Variants in EXOC6 observed in about 807,000 individuals in gnomAD.
The protein encoded by EXOC6 is exocyst complex component 6.
A neutral mutation model predicts 112.5 loss-of-function variants in EXOC6; 60 were observed. That is an observed-to-expected ratio of 0.53 (90% confidence interval 0.43 to 0.66). The LOEUF (loss-of-function observed/expected upper bound fraction) is 0.66, where lower values mean the gene tolerates loss of function less well. EXOC6 is among the 30% of genes least tolerant of loss of function. The pLI is 0.00. For missense variants in EXOC6, 855 were observed against 957.1 expected (o/e 0.89, Z 1.41); for synonymous variants, 295 against 308.0 (o/e 0.96, Z 0.44).
At chr10:93,024,020 C>G (rs7895716) in intron 20 of EXOC6, among the ~76,000 whole-genome samples, 49,964 of 151,978 alleles carry the variant, frequency 0.33, 9,049 homozygotes, top group East Asian at 0.78. Flanking sequence ...GTGTCTCTCA[C>G]TTTCATAGCT....
intron 18 of EXOC6, among the ~76,000 whole-genome samples, chr10:92,974,861 C>T (rs1280321274): frequency 6.6e-6 from 1 of 152,222 alleles, no homozygotes; most frequent in Non-Finnish European, 1.5e-5. Flanking sequence ...GTCTGGTTCA[C>T]TCAGTGCTCA....
intron 6 of EXOC6, among the ~76,000 whole-genome samples, chr10:92,911,565 C>T (rs1339547610): frequency 6.6e-6 from 1 of 151,964 alleles, no homozygotes; most frequent in Non-Finnish European, 1.5e-5. Context: ...TTAGGGAGTC[C>T]ATCAAATCAT....
Position 92,893,414 on chromosome 10 carries a change from G to A in EXOC6, c.167G>A (p.Arg56His), listed in dbSNP as rs748815462. 2.6e-5 allele frequency: 42 copies of A among 1,612,808 alleles called. No individual in the cohort carries two copies. The highest frequency in any genetic ancestry group is 1.6e-4 in the Middle Eastern group (1 of 6,068). The change falls in exon 2 of 22, where the codon CGT becomes CAT. Residue 56 changes from arginine to histidine, a missense_variant. Physicochemically the swap from Arg to His is conservative, Grantham distance 29. Around this residue, in one of 2 missense-constraint regions of EXOC6, gnomAD observed 405 missense variants for 393.6 expected, o/e 1.03. Coordinates refer to ENST00000260762, the MANE Select transcript of EXOC6 (RefSeq NM_019053.6). ...KFMEKLDACI[R>H]NHDKEIEKMC... The stretch of plus-strand genomic sequence containing the variant: ...ATGGAAAAGTTAGATGCTTGTATCC[G>A]TAATCATGACAAGGAAATTGAAAAG...
At chr10:92,958,779 CA>C (rs1018971638) in intron 17 of EXOC6, among the ~76,000 whole-genome samples, 42 of 152,160 alleles carry the variant, frequency 2.8e-4, no homozygotes, top group African/African-American at 1.0e-3. Flanking sequence ...TGATACTACC[CA>C]TCTTCAAGAC....
upstream of EXOC6, among the ~76,000 whole-genome samples, chr10:92,846,409 G>T (rs557282048): frequency 4.2e-4 from 64 of 152,146 alleles, no homozygotes; most frequent in Non-Finnish European, 1.0e-4. Flanking sequence ...CCGCAGCCTC[G>T]AACTCCTGGG....
At chr10:93,022,381 T>A (rs1844829462) in intron 20 of EXOC6, among the ~76,000 whole-genome samples, 1 of 152,182 alleles carries the variant, frequency 6.6e-6, no homozygotes, top group African/African-American at 2.4e-5. Flanking sequence ...GAGAATGTAG[T>A]AAATATGCAG....
In EXOC6 at chr10:92,839,594, C is replaced by T. The variant is rs112031201; in HGVS notation, c.86+4770C>T. Among the ~76,000 whole-genome samples, 1,316 of 152,296 alleles carry T rather than the reference C, an allele frequency of 8.6e-3. 11 individuals carry two copies. The highest frequency in any genetic ancestry group is 0.012 in the Non-Finnish European group (831 of 68,024). ...CACACTAGAACTTCCTGCTGTCAGG[C>T]ATCACCCATCAGACCTGCTCCCCTG... On this transcript the variant is annotated intron_variant, in intron 1 of 21. Coordinates refer to the EXOC6 transcript ENST00000371552.
intron 1 of EXOC6, among the ~76,000 whole-genome samples, chr10:92,848,958 C>G (rs1416069358): frequency 6.6e-6 from 1 of 152,138 alleles, no homozygotes; most frequent in Non-Finnish European, 1.5e-5. Context: ...CCCCCGGGCC[C>G]GAGGACACTT....
Position 92,858,022 on chromosome 10 carries a change from T to TCCCCC in EXOC6, c.101+9391_101+9395dup, listed in dbSNP as rs370524059. On this transcript the variant is annotated intron_variant, in intron 1 of 21. Transcript: ENST00000260762. The stretch of plus-strand genomic sequence containing the variant: ...TATGTAAGATTTTTAGTTGACGGGT[T>TCCCCC]CCCCCCCTCCGCCGGCCAGCAGTTT... Among the ~76,000 whole-genome samples the TCCCCC allele has an allele frequency of 2.2e-3, 218 of 100,780 alleles. 22 individuals are homozygous for TCCCCC. Among genetic ancestry groups the TCCCCC allele is most frequent in the East Asian group, 0.018 (16 of 890 alleles). The allele number at this position is 100,780 out of a possible 152,430, so 66.1% of individuals were successfully genotyped here.
At chr10:93,027,008 A>C (rs1209497113) in intron 20 of EXOC6, among the ~76,000 whole-genome samples, 1 of 152,242 alleles carries the variant, frequency 6.6e-6, no homozygotes, top group African/African-American at 2.4e-5. Flanking sequence ...CAAACAGCCA[A>C]GGTGTGAATA....
At chr10:92,993,633 A>G (rs992248642) in intron 18 of EXOC6, among the ~76,000 whole-genome samples, 7 of 152,222 alleles carry the variant, frequency 4.6e-5, no homozygotes, top group Non-Finnish European at 7.3e-5. Context: ...GTTTTGAGCC[A>G]TAATCTAATA....
chr10:92,975,219 C>A (rs1842470182), intron 18 of EXOC6, among the ~76,000 whole-genome samples: 1 of 151,672 alleles, frequency 6.6e-6, no homozygotes, highest in South Asian at 2.1e-4. Flanking sequence ...TGCCCCGCCA[C>A]CCCGTCTGGG....
intron 7 of EXOC6, among the ~76,000 whole-genome samples, chr10:92,919,398 A>C (rs1474950901): frequency 1.3e-5 from 2 of 152,220 alleles, no homozygotes; most frequent in East Asian, 3.8e-4. Context: ...CAAGTTTGAG[A>C]AACTTTATAG....
At chr10:92,873,483 A>G (rs1156838327) in intron 1 of EXOC6, among the ~76,000 whole-genome samples, 2 of 151,996 alleles carry the variant, frequency 1.3e-5, no homozygotes, top group Non-Finnish European at 2.9e-5. Flanking sequence ...CTTCATTTTT[A>G]TGCTTTTGCT....
intron 1 of EXOC6, among the ~76,000 whole-genome samples, chr10:92,882,171 A>G (rs1377412771): frequency 2.0e-5 from 3 of 152,144 alleles, no homozygotes; most frequent in Admixed American, 2.0e-4. Flanking sequence ...GGTATTTCAT[A>G]TTGCTAACTA....
At chr10:92,918,255 C>G (rs1851222820) in intron 7 of EXOC6, among the ~76,000 whole-genome samples, 1 of 152,028 alleles carries the variant, frequency 6.6e-6, no homozygotes, top group Admixed American at 6.6e-5. Context: ...CCTTGTTATT[C>G]CCAATTAATT....
intron 5 of EXOC6, among the ~76,000 whole-genome samples, chr10:92,908,783 G>T (rs1850584743): frequency 6.6e-6 from 1 of 152,050 alleles, no homozygotes; most frequent in Admixed American, 6.5e-5. Context: ...TTTACTAATT[G>T]CTGCATACCC....
At chr10:93,016,735 A>C (rs142692076) in intron 20 of EXOC6, among the ~76,000 whole-genome samples, 136 of 152,286 alleles carry the variant, frequency 8.9e-4, no homozygotes, top group African/African-American at 3.2e-3. Flanking sequence ...ATATGTTATC[A>C]GTCATAATTA....
Position 92,896,079 on chromosome 10 carries a change from A to ATG in EXOC6, c.412+1063_412+1064dup, listed in dbSNP as rs1564809508. Among the ~76,000 whole-genome samples, 6 of 65,488 alleles carry ATG rather than the reference A, an allele frequency of 9.2e-5. 1 individual carries two copies. Among genetic ancestry groups the ATG allele is most frequent in the African/African-American group, 1.4e-4 (3 of 21,012 alleles). The allele number at this position is 65,488 out of a possible 152,430, so 43.0% of individuals were successfully genotyped here. A position where few individuals can be genotyped will look rare whatever the true frequency, so the allele number is the denominator to read the frequency against. Reference sequence around the variant, plus strand: ...TATGTGTATATATATGTGTATATATATGTGTATATATATATGTGTGTATAT... The same window carrying ATG: ...TATGTGTATATATATGTGTATATATATGTGTGTATATATATATGTGTGTATAT... On this transcript the variant is annotated intron_variant, in intron 4 of 21. Coordinates refer to ENST00000260762, the MANE Select transcript of EXOC6 (RefSeq NM_019053.6).
Sources: allele counts gnomAD v4.1 joint callset (sites outside exome capture counted in the v4.1 genomes callset), GRCh38; gene constraint gnomAD v4.1.1; regional missense constraint gnomAD v4.1.1; transcripts MANE v1.5; gene names NCBI Gene and HGNC (gene_info 2026-07-23, HGNC 2026-07-21).